The following CD109 variants were observed in gnomAD, a reference collection of about 807,000 sequenced individuals.
The protein encoded by CD109 is CD109 antigen.
CD109 carries 149 observed loss-of-function variants against 165.8 expected under a neutral mutation model. The observed-to-expected ratio is 0.90, with a 90% CI of 0.79 to 1.03. CD109 has a LOEUF of 1.03. Ranked by LOEUF, CD109 falls within the 50% of genes least tolerant of loss-of-function variation. CD109 has a pLI of 0.00. For synonymous variants in CD109, 585 were observed against 592.1 expected, an observed-to-expected ratio of 0.99 and a Z score of 0.18; for missense variants, 1,712 against 1,677.8, an observed-to-expected ratio of 1.02 and a Z score of -0.36.
At chr6:73,713,401 G>T (rs1050642273) in intron 2 of CD109, among the ~76,000 whole-genome samples, 1 of 152,044 alleles carries the variant, frequency 6.6e-6, no homozygotes, top group Non-Finnish European at 1.5e-5. Flanking sequence ...TTGGGGAAGA[G>T]TCTTTGTATT....
In CD109 at chr6:73,766,104, T is replaced by A; in HGVS notation, c.1282T>A (p.Phe428Ile). 2 of 1,614,084 alleles carry A rather than the reference T, an allele frequency of 1.2e-6. No individual in the cohort carries two copies. Among genetic ancestry groups the A allele is most frequent in the Non-Finnish European group, 1.7e-6 (2 of 1,179,978 alleles). ...INYTVPQSGTFKIEFPILEDS... is the reference protein window; with the variant it reads ...INYTVPQSGTIKIEFPILEDS... The stretch of plus-strand genomic sequence containing the variant: ...TTATACTGTCCCCCAAAGTGGAACT[T>A]TTAAGATTGAATTCCCAATCCTGGA... Residue 428 changes from phenylalanine (F) to isoleucine (I), a missense_variant, in exon 11 of 33, where the codon TTT becomes ATT. By Grantham distance (21) the Phe-to-Ile change is conservative. Transcript: ENST00000287097.
At position 73,782,617 on chromosome 6, in the gene CD109, A is replaced by G. The variant is rs765716983; in HGVS notation, c.1967A>G (p.Asp656Gly). The change falls in exon 18 of 33, where the codon GAC (aspartate) becomes GGC (glycine). Residue 656 changes from aspartate (D) to glycine (G), a missense_variant. Transcript: ENST00000287097. ...TACTGTCAATGTTTATTTATAGATGACAATGCAGAATATGCTGAGAGGTTT... is the reference window on the plus strand; with the variant it reads ...TACTGTCAATGTTTATTTATAGATGGCAATGCAGAATATGCTGAGAGGTTT... Reference protein sequence around the residue: ...LTKDYIDGVYDNAEYAERFME... With the variant: ...LTKDYIDGVYGNAEYAERFME... 5 of 1,612,416 alleles carry G rather than the reference A, an allele frequency of 3.1e-6. No individual in the cohort carries two copies. The highest frequency in any genetic ancestry group is 4.2e-6 in the Non-Finnish European group (5 of 1,179,006).
At chr6:73,761,029 AC>A (rs1773605937) in intron 7 of CD109, among the ~76,000 whole-genome samples, 1 of 135,596 alleles carries the variant, frequency 7.4e-6, no homozygotes, top group Non-Finnish European at 1.7e-5. Context: ...ACACACACAC[AC>A]ACACACACAC....
intron 28 of CD109, among the ~76,000 whole-genome samples, chr6:73,811,464 C>G (rs1296756326): frequency 6.6e-6 from 1 of 152,106 alleles, no homozygotes; most frequent in Non-Finnish European, 1.5e-5. Context: ...ATTTACTTCT[C>G]AAAGTAACTC....
intron 30 of CD109, among the ~76,000 whole-genome samples, chr6:73,815,540 C>T (rs1299083107): frequency 2.0e-5 from 3 of 152,206 alleles, no homozygotes; most frequent in East Asian, 1.9e-4. Flanking sequence ...TTTATGATAA[C>T]ATGCAAATTC....
rs964006296 is a variant in CD109, at chr6:73,696,307, C to CG, written c.74+24dup. On this transcript the variant is annotated intron_variant, in intron 1 of 32. Transcript: ENST00000287097. ...GCTCCCGGGTAGGAACGTGGGCGCG[C>CG]GGGGGGCGCGCGGGCGCGCGGGCCT... 43 of 1,413,106 alleles carry CG rather than the reference C, an allele frequency of 3.0e-5. 1 individual carries two copies. In the African/African-American group the frequency reaches 5.1e-4, roughly 17 times the overall value. 87.5% of individuals were successfully genotyped at this position (1,413,106 alleles called of 1,614,324 possible). A position where few individuals can be genotyped will look rare whatever the true frequency, so the allele number is the denominator to read the frequency against.
Position 73,823,672 on chromosome 6 carries a change from A to G in CD109, c.*39A>G, listed in dbSNP as rs1045009201. 21 of 1,533,444 alleles carry G rather than the reference A, an allele frequency of 1.4e-5. No individual in the cohort carries two copies. The highest frequency in any genetic ancestry group is 1.9e-5 in the Non-Finnish European group (21 of 1,121,910). 95.0% of individuals were successfully genotyped at this position (1,533,444 alleles called of 1,614,324 possible). A position where few individuals can be genotyped will look rare whatever the true frequency, so the allele number is the denominator to read the frequency against. ...GACTCTGTGTAACACTAACATTTCC[A>G]GTAGTCACATGTGATTGTTTTGTTT... On this transcript the variant is annotated 3_prime_UTR_variant, in exon 33 of 33. Transcript: ENST00000287097.
intron 22 of CD109, among the ~76,000 whole-genome samples, chr6:73,789,460 T>C (rs779887564): frequency 3.6e-5 from 2 of 55,586 alleles, no homozygotes; most frequent in South Asian, 4.1e-4. Flanking sequence ...TGTCTGAGCA[T>C]TTTTTTTTTT....
At chr6:73,734,190 G>T (rs1481435771) in intron 4 of CD109, among the ~76,000 whole-genome samples, 1 of 152,136 alleles carries the variant, frequency 6.6e-6, no homozygotes, top group Non-Finnish European at 1.5e-5. Flanking sequence ...GTTAGACCTA[G>T]GTCCAAGACA....
In CD109 at chr6:73,736,361, A is replaced by G. The variant is rs199691458; in HGVS notation, c.508-22A>G. The G allele has an allele frequency of 3.4e-5, 55 of 1,612,200 alleles. No homozygotes were observed. In the East Asian group the frequency reaches 1.1e-3, roughly 31 times the overall value. On this transcript the variant is annotated intron_variant, in intron 4 of 32. Coordinates refer to ENST00000287097, the MANE Select transcript of CD109 (RefSeq NM_133493.5). ...GCACATGGGCAGCCTCTACATACTT[A>G]CATGTCTGGTTTTCATTTTAGGACC... is the stretch of plus-strand genomic sequence containing the variant.
chr6:73,754,235 T>G (rs1405597246), intron 5 of CD109, among the ~76,000 whole-genome samples: 2 of 152,154 alleles, frequency 1.3e-5, no homozygotes, highest in Non-Finnish European at 2.9e-5. Flanking sequence ...TTAGGTGTCT[T>G]TATTCTAGGA....
rs1407481176 is a variant in CD109, at chr6:73,768,196, C to T, written c.1639C>T (p.Leu547=). The change falls in exon 14 of 33, where the codon CTA becomes TTA. Residue 547 remains leucine (L), a synonymous_variant. Coordinates refer to ENST00000287097, the MANE Select transcript of CD109 (RefSeq NM_133493.5). ...TGATGGGGAAATTATAAGTGATGTTCTAAAAATTCCTGTTCAGCTTGTTTT... is the reference window on the plus strand; with the variant it reads ...TGATGGGGAAATTATAAGTGATGTTTTAAAAATTCCTGTTCAGCTTGTTTT... ...EDDGEIISDV[L]KIPVQLVFKN... 13 of 1,590,272 alleles carry T rather than the reference C, an allele frequency of 8.2e-6. No individual in the cohort carries two copies. The highest frequency in any genetic ancestry group is 3.4e-4 in the Middle Eastern group (2 of 5,808).
chr6:73,730,655 C>T, intron 4 of CD109, 81 bp downstream of exon 4: 1 of 837,870 alleles, frequency 1.2e-6, no homozygotes, highest in Non-Finnish European at 1.9e-6. Flanking sequence ...GTGTTACTGA[C>T]ACTGGAATAT....
Position 73,815,207 on chromosome 6 carries a change from A to G in CD109, c.3911+84A>G, listed in dbSNP as rs992322360. 10 of 1,146,068 alleles carry G rather than the reference A, an allele frequency of 8.7e-6. No individual in the cohort carries two copies. The Admixed American group carries it at 3.2e-4, about 37-fold the overall frequency. The allele number at this position is 1,146,068 out of a possible 1,614,324, so 71.0% of individuals were successfully genotyped here. A position where few individuals can be genotyped will look rare whatever the true frequency, so the allele number is the denominator to read the frequency against. ...TAATTATGTATAGTTGTCTATATCA[A>G]TCTAAGAGTTATATTGAACAAAGAA... On this transcript the variant is annotated intron_variant, in intron 30 of 32. Transcript: ENST00000287097.
intron 3 of CD109, among the ~76,000 whole-genome samples, chr6:73,724,608 C>G (rs1772067347): frequency 6.9e-6 from 1 of 145,958 alleles, no homozygotes; most frequent in South Asian, 2.1e-4. Flanking sequence ...CGCTCATTAC[C>G]TTAAATTTTT....
intron 15 of CD109, among the ~76,000 whole-genome samples, chr6:73,777,518 T>G (rs1270453574): frequency 6.6e-6 from 1 of 152,172 alleles, no homozygotes; most frequent in East Asian, 1.9e-4. Context: ...ATTGCCTAGG[T>G]TGTCTTCCAG....
intron 30 of CD109, among the ~76,000 whole-genome samples, chr6:73,817,565 A>G (rs1040031019): frequency 2.6e-5 from 4 of 152,198 alleles, no homozygotes; most frequent in Non-Finnish European, 4.4e-5. Context: ...TTCTTTTGCC[A>G]TTTAAAAGGA....
intron 15 of CD109, among the ~76,000 whole-genome samples, chr6:73,775,906 T>C (rs898334015): frequency 6.6e-6 from 1 of 152,246 alleles, no homozygotes. Flanking sequence ...ATTTTCTTTA[T>C]CCAGTCTATC....
intron 22 of CD109, among the ~76,000 whole-genome samples, chr6:73,792,258 C>T (rs560860007): frequency 3.9e-5 from 6 of 152,106 alleles, no homozygotes; most frequent in African/African-American, 1.2e-4. Flanking sequence ...ATTTTGTTTG[C>T]GTGAAGAATA....
Sources: gnomAD v4.1 joint callset for allele counts (sites outside exome capture counted in the v4.1 genomes callset) on GRCh38, gnomAD v4.1.1 for gene constraint, MANE v1.5 for transcripts, NCBI Gene and HGNC (gene_info 2026-07-23, HGNC 2026-07-21) for gene names.